DUSP4: variants seen among roughly 807,000 people sequenced by gnomAD.
DUSP4 encodes the protein dual specificity phosphatase 4.
A neutral mutation model predicts 27.2 loss-of-function variants in DUSP4; 12 were observed. That is an observed-to-expected ratio of 0.44 (90% CI 0.28 to 0.71). The LOEUF is 0.71. Among genes scored for constraint, DUSP4 ranks in the 30% least tolerant of loss-of-function variants. The pLI, the probability that DUSP4 is intolerant of heterozygous loss-of-function variation, is 0.14. For synonymous variants in DUSP4, 257 were observed against 245.2 expected, an observed-to-expected ratio of 1.05 and a Z score of -0.45; for missense variants, 448 against 551.3, an observed-to-expected ratio of 0.81 and a Z score of 1.88.
chr8:29,341,636 G>A lies in DUSP4; in HGVS notation c.434-1393C>T, dbSNP rs190114488. Among the ~76,000 whole-genome samples the A allele has an allele frequency of 3.5e-4, 53 of 152,264 alleles. No individual in the cohort carries two copies. The East Asian group carries it at 5.8e-3, about 17-fold the overall frequency. On this transcript the variant is annotated intron_variant, in intron 1 of 3. Transcript: ENST00000240100. ...AAAACCTGCTGGTGGGGCTGGTACC[G>A]TCAGCCTCGGTCATGCTGGTGGCCT...
At position 29,340,199 on chromosome 8, in the gene DUSP4, T is replaced by C. The variant is rs964557896; in HGVS notation, c.478A>G (p.Lys160Glu). The C allele has an allele frequency of 5.0e-6, 8 of 1,613,476 alleles. No homozygotes were observed. The highest frequency in any genetic ancestry group is 6.8e-6 in the Non-Finnish European group (8 of 1,179,834). ...FSSEYPEFCS[K>E]TKALAAIPPP... ...GGGATGGCTGCCAGGGCCTTGGTTT[T>C]AGAACAGAATTCTGGGTACTCGGAG... Residue 160 changes from lysine (K) to glutamate (E), a missense_variant, in exon 2 of 4, where the codon AAA (lysine) becomes GAA (glutamate). Lys to Glu is a moderately conservative substitution (Grantham distance 56, BLOSUM62 1). Transcript: ENST00000240100.
intron 1 of DUSP4, among the ~76,000 whole-genome samples, chr8:29,346,619 G>C (rs996138744): frequency 1.3e-5 from 2 of 152,096 alleles, no homozygotes; most frequent in African/African-American, 4.8e-5. Context: ...AATTAAATGA[G>C]TTTTAAAAAA....
Position 29,350,332 on chromosome 8 carries a change from C to G in DUSP4, c.-54G>C. 1 of 1,510,048 alleles carries G rather than the reference C, an allele frequency of 6.6e-7. No homozygotes were observed. The highest frequency in any genetic ancestry group is 1.3e-5 in the South Asian group (1 of 75,586). The allele number at this position is 1,510,048 out of a possible 1,614,324, so 93.5% of individuals were successfully genotyped here. ...CGCGAGGAAGAGAAGAGAACCCGGG[C>G]CGCCTAGGCTGCAGAAAGGGGCGGG... On this transcript the variant is annotated 5_prime_UTR_variant, in exon 1 of 4. Transcript: ENST00000240100.
Position 29,343,028 on chromosome 8 carries a change from C to T in DUSP4, c.434-2785G>A, listed in dbSNP as rs976158527. ...TAAAAATACAAAAAAATTAGCCGGGCGTGGTGGCGGGTGTCTGTAGTCCCA... is the reference window on the plus strand; with the variant it reads ...TAAAAATACAAAAAAATTAGCCGGGTGTGGTGGCGGGTGTCTGTAGTCCCA... On this transcript the variant is annotated intron_variant, in intron 1 of 3. Coordinates refer to ENST00000240100, the MANE Select transcript of DUSP4 (RefSeq NM_001394.7). 7.2e-5 allele frequency among the ~76,000 whole-genome samples: 11 copies of T among 151,958 alleles called. No homozygotes were observed. In the East Asian group the frequency reaches 1.4e-3, roughly 19 times the overall value.
chr8:29,345,926 T>C (rs369090350), intron 1 of DUSP4: 1 of 677,638 alleles, frequency 1.5e-6, no homozygotes, highest in African/African-American at 5.2e-5. Flanking sequence ...ATTACATTTG[T>C]AAGCAGAAAC....
In DUSP4 at chr8:29,350,309, C is replaced by T. The variant is rs568554472; in HGVS notation, c.-31G>A. The T allele has an allele frequency of 6.5e-7, 1 of 1,548,754 alleles. No homozygotes were observed. The highest frequency in any genetic ancestry group is 1.4e-5 in the African/African-American group (1 of 73,196). ...CCGGGAACCGAGGCGGCTGGGCGCG[C>T]GAGGAAGAGAAGAGAACCCGGGCCG... On this transcript the variant is annotated 5_prime_UTR_variant, in exon 1 of 4. Transcript: ENST00000240100.
Position 29,336,999 on chromosome 8 carries a change from T to G in DUSP4, c.*27A>C. 1.3e-6 allele frequency: 2 copies of G among 1,556,838 alleles called. No individual in the cohort carries two copies. Among genetic ancestry groups the G allele is most frequent in the Non-Finnish European group, 1.7e-6 (2 of 1,152,654 alleles). The stretch of plus-strand genomic sequence containing the variant: ...CGTCCTACCCTTGCTGGGAGCCAGC[T>G]CTGGTTCTGGGGCCCCCAGGGCGGC... On this transcript the variant is annotated 3_prime_UTR_variant, in exon 4 of 4. Coordinates refer to ENST00000240100, the MANE Select transcript of DUSP4 (RefSeq NM_001394.7).
At position 29,336,568 on chromosome 8, in the gene DUSP4, T is replaced by G. The variant is rs1247028716; in HGVS notation, c.*458A>C. ...TTTTAAAAAATGAAATTCCTTTAAC[T>G]ACAACAACGACAACAAAGGGACAAG... On this transcript the variant is annotated 3_prime_UTR_variant, in exon 4 of 4. Transcript: ENST00000240100. 1.3e-5 allele frequency: 2 copies of G among 155,550 alleles called. No homozygotes were observed. The highest frequency in any genetic ancestry group is 4.8e-5 in the African/African-American group (2 of 41,596). The allele number at this position is 155,550 out of a possible 1,614,324, so 9.6% of individuals were successfully genotyped here.
At chr8:29,345,349 C>T (rs1817715357) in intron 1 of DUSP4, 2 of 1,613,026 alleles carry the variant, frequency 1.2e-6, no homozygotes, top group Admixed American at 3.3e-5. Flanking sequence ...TATTTAAAAT[C>T]CAACTAAGTG....
chr8:29,350,049 G>C lies in DUSP4; in HGVS notation c.230C>G (p.Ala77Gly). ...VRCNTIVRRR[A>G]KGSVSLEQIL... is the part of the protein sequence containing the mutation. ...CTGCTCCAGGCTCACGGAGCCCTTAGCCCGCCGCCGCACGATGGTGTTACA... is the reference window on the plus strand; with the variant it reads ...CTGCTCCAGGCTCACGGAGCCCTTACCCCGCCGCCGCACGATGGTGTTACA... Residue 77 changes from alanine to glycine, a missense_variant, in exon 1 of 4, where the codon GCT becomes GGT. By Grantham distance (60) the Ala-to-Gly change is moderately conservative (BLOSUM62 0). Around this residue, in one of 3 missense-constraint regions of DUSP4, gnomAD observed 345 missense variants for 394.0 expected, o/e 0.88. Transcript: ENST00000240100. 1 of 1,596,678 alleles carries C rather than the reference G, an allele frequency of 6.3e-7. No homozygotes were observed. Among genetic ancestry groups the C allele is most frequent in the Non-Finnish European group, 8.5e-7 (1 of 1,173,348 alleles).
At chr8:29,348,506 G>A (rs866651910) in intron 1 of DUSP4, 6 of 985,628 alleles carry the variant, frequency 6.1e-6, no homozygotes, top group Non-Finnish European at 7.2e-6. Context: ...AATCGCCTTA[G>A]CAGTTCAACC....
chr8:29,343,127 C>G (rs1214251727), intron 1 of DUSP4, among the ~76,000 whole-genome samples: 1 of 144,510 alleles, frequency 6.9e-6, no homozygotes, highest in Non-Finnish European at 1.5e-5. Flanking sequence ...GAGATCGCGC[C>G]ACTGCATTCC....
At chr8:29,342,428 G>T (rs1219704884) in intron 1 of DUSP4, among the ~76,000 whole-genome samples, 1 of 152,154 alleles carries the variant, frequency 6.6e-6, no homozygotes, top group Admixed American at 6.5e-5. Flanking sequence ...GACAGATCAT[G>T]AAGTTTTCCC....
At chr8:29,345,508 T>C in intron 1 of DUSP4, 1 of 1,584,008 alleles carries the variant, frequency 6.3e-7, no homozygotes, top group Non-Finnish European at 8.5e-7. Context: ...TGGCTTCCGT[T>C]GGAGTGAACT....
Position 29,333,168 on chromosome 8 carries a change from CTAAACTA to C in DUSP4, c.*3851_*3857del, listed in dbSNP as rs1817522194. On this transcript the variant is annotated 3_prime_UTR_variant, in exon 4 of 4. Transcript: ENST00000240100. The stretch of plus-strand genomic sequence containing the variant: ...CAAAACCAAACAAAAAAAAAATCCC[CTAAACTA>C]TATACATCCTACAGGAATACAGGCA... 1 of 152,070 alleles carries C rather than the reference CTAAACTA, an allele frequency of 6.6e-6. No homozygotes were observed. 9.4% of individuals were successfully genotyped at this position (152,070 alleles called of 1,614,324 possible).
chr8:29,344,602 C>T (rs1817700735), intron 1 of DUSP4, among the ~76,000 whole-genome samples: 1 of 152,192 alleles, frequency 6.6e-6, no homozygotes, highest in Non-Finnish European at 1.5e-5. Context: ...TCCACTGTGC[C>T]TCCTCCTTCT....
In DUSP4 at chr8:29,334,971, C is replaced by T. The variant is rs1292081527; in HGVS notation, c.*2055G>A. 6.6e-6 allele frequency: 1 copy of T among 152,178 alleles called. No individual in the cohort carries two copies. The highest frequency in any genetic ancestry group is 1.5e-5 in the Non-Finnish European group (1 of 68,044). The allele number at this position is 152,178 out of a possible 1,614,324, so 9.4% of individuals were successfully genotyped here. Reference sequence around the variant, plus strand: ...GTTCATGGAAGGAAAGGTAACCAACCTTGTCCTGTCTAGGATGCCAGATGA... The same window carrying T: ...GTTCATGGAAGGAAAGGTAACCAACTTTGTCCTGTCTAGGATGCCAGATGA... On this transcript the variant is annotated 3_prime_UTR_variant, in exon 4 of 4. Transcript: ENST00000240100.
Position 29,350,349 on chromosome 8 carries a change from A to G in DUSP4, c.-71T>C, listed in dbSNP as rs1817805349. 1 of 1,491,190 alleles carries G rather than the reference A, an allele frequency of 6.7e-7. No homozygotes were observed. The highest frequency in any genetic ancestry group is 1.4e-5 in the South Asian group (1 of 73,602). 92.4% of individuals were successfully genotyped at this position (1,491,190 alleles called of 1,614,324 possible). On this transcript the variant is annotated 5_prime_UTR_variant, in exon 1 of 4. Coordinates refer to ENST00000240100, the MANE Select transcript of DUSP4 (RefSeq NM_001394.7). Reference sequence around the variant, plus strand: ...AACCCGGGCCGCCTAGGCTGCAGAAAGGGGCGGGCGAGAGCTAAGAAGGGA... The same window carrying G: ...AACCCGGGCCGCCTAGGCTGCAGAAGGGGGCGGGCGAGAGCTAAGAAGGGA...
In DUSP4 at chr8:29,350,460, C is replaced by G; in HGVS notation, c.-182G>C. 2.7e-6 allele frequency: 2 copies of G among 751,766 alleles called. No individual in the cohort carries two copies. The highest frequency in any genetic ancestry group is 3.2e-5 in the Admixed American group (1 of 31,078). The allele number at this position is 751,766 out of a possible 1,614,324, so 46.6% of individuals were successfully genotyped here. A position where few individuals can be genotyped will look rare whatever the true frequency, so the allele number is the denominator to read the frequency against. On this transcript the variant is annotated 5_prime_UTR_variant, in exon 1 of 4. Coordinates refer to ENST00000240100, the MANE Select transcript of DUSP4 (RefSeq NM_001394.7). ...CCCTGTCCCCTTCCTCCCGCAGCCT[C>G]GCGGTCACATAGCAGTCGGAGCGGC...
Sources: gnomAD v4.1 joint callset for allele counts (sites outside exome capture counted in the v4.1 genomes callset) on GRCh38, gnomAD v4.1.1 for gene constraint, gnomAD v4.1.1 regional missense constraint, MANE v1.5 for transcripts, NCBI Gene and HGNC (gene_info 2026-07-23, HGNC 2026-07-21) for gene names.